The following FN1 variants were observed in gnomAD, a reference collection of about 807,000 sequenced individuals.
FN1 encodes fibronectin 1.
A neutral mutation model predicts 297.3 loss-of-function variants in FN1; 106 were observed. The observed-to-expected ratio is 0.36, with a 90% confidence interval of 0.30 to 0.42. The LOEUF is 0.42. Among genes scored for constraint, FN1 ranks in the 10% least tolerant of loss-of-function variants. The pLI is 1.00. For synonymous variants in FN1, 1,149 were observed against 1,152.6 expected (o/e 1.00, Z 0.06); for missense variants, 2,690 against 3,124.9 (o/e 0.86, Z 3.32).
intron 41 of FN1, among the ~76,000 whole-genome samples, chr2:215,368,267 A>G (rs183451986): frequency 3.3e-5 from 5 of 152,332 alleles, no homozygotes; most frequent in East Asian, 1.9e-4. Context: ...TGCTTCTAAG[A>G]TAATTGCCAT....
In FN1 at chr2:215,367,881, A is replaced by T; in HGVS notation, c.7000T>A (p.Phe2334Ile). The change falls in exon 42 of 46, where the codon TTC (phenylalanine) becomes ATC (isoleucine). Residue 2334 changes from phenylalanine to isoleucine, a missense_variant. Transcript: ENST00000354785. Reference sequence around the variant, plus strand: ...TACTCACTAGATGAATCACATCTGAAATGACCACTTCCAAAGCCTAAGCAC... The same window carrying T: ...TACTCACTAGATGAATCACATCTGATATGACCACTTCCAAAGCCTAAGCAC... ...CQCLGFGSGH[F>I]RCDSSRWCHD... 1.2e-6 allele frequency: 2 copies of T among 1,614,058 alleles called. No individual in the cohort carries two copies. The highest frequency in any genetic ancestry group is 2.2e-5 in the South Asian group (2 of 91,072).
At chr2:215,378,820 ATAAC>A (rs1272365079) in intron 34 of FN1, among the ~76,000 whole-genome samples, 8 of 152,206 alleles carry the variant, frequency 5.3e-5, no homozygotes, top group Non-Finnish European at 8.8e-5. Context: ...CAGAAAATGC[ATAAC>A]TAAGTCGATT....
chr2:215,425,197 GTCT>G lies in FN1; in HGVS notation c.930_932del (p.Asp311del). On this transcript the variant is annotated inframe_deletion, in exon 7 of 46. Coordinates refer to ENST00000354785, the MANE Select transcript of FN1 (RefSeq NM_212482.4). Reference sequence around the variant, plus strand: ...TCCCCACAGAGTAGACCACACCACTGTCTGTGACACAGTGGCCATAGGGAGGAG... The same window carrying G: ...TCCCCACAGAGTAGACCACACCACTGGTGACACAGTGGCCATAGGGAGGAG... The G allele has an allele frequency of 6.2e-7, 1 of 1,614,132 alleles. No individual in the cohort carries two copies. Among genetic ancestry groups the G allele is most frequent in the Non-Finnish European group, 8.5e-7 (1 of 1,180,004 alleles).
intron 33 of FN1, 97 bp downstream of exon 33, chr2:215,380,714 T>A: frequency 7.2e-7 from 1 of 1,381,696 alleles, no homozygotes; most frequent in East Asian, 2.3e-5. Flanking sequence ...TTTTTCACCC[T>A]TACACGGGAA....
intron 39 of FN1, among the ~76,000 whole-genome samples, chr2:215,372,735 G>A (rs1481395234): frequency 6.6e-6 from 1 of 152,154 alleles, no homozygotes; most frequent in Non-Finnish European, 1.5e-5. Context: ...CAAGTTGTAG[G>A]AAGTAGAATC....
chr2:215,397,055 C>G, intron 23 of FN1, 82 bp downstream of exon 23: 2 of 924,878 alleles, frequency 2.2e-6, no homozygotes, highest in Non-Finnish European at 3.6e-6. Context: ...TCCCTTCTTT[C>G]TCTGAAAGAA....
At chr2:215,385,844 C>T (rs1197870195) in intron 28 of FN1, among the ~76,000 whole-genome samples, 2 of 142,312 alleles carry the variant, frequency 1.4e-5, no homozygotes, top group Non-Finnish European at 3.0e-5. Context: ...GTGACACAAT[C>T]TTGGCTTACT....
At chr2:215,389,682 C>T (rs552980642) in intron 26 of FN1, among the ~76,000 whole-genome samples, 8 of 152,160 alleles carry the variant, frequency 5.3e-5, no homozygotes, top group South Asian at 4.2e-4. Flanking sequence ...CCCAGCTACT[C>T]GGGAGGCTGA....
At chr2:215,433,207 A>G in intron 3 of FN1, 117 bp downstream of exon 3, 1 of 1,308,284 alleles carries the variant, frequency 7.6e-7, no homozygotes, top group East Asian at 2.3e-5. Context: ...CCTGGTCACC[A>G]GGGGCAAACC....
At position 215,379,158 on chromosome 2, in the gene FN1, C is replaced by G. The variant is rs755785789; in HGVS notation, c.5594G>C (p.Ser1865Thr). ...PMKEINLAPD[S>T]SSVVVSGLMV... ...AAGTCCTGATACAACCACGGATGAG[C>G]TGTCAGGAGCAAGGTTGATTTCTTT... The change falls in exon 34 of 46, where the codon AGC (serine) becomes ACC (threonine). Residue 1865 changes from serine (S) to threonine (T), a missense_variant. This residue lies in a region of FN1 where 1,743 missense variants were observed against 1,945.2 expected (regional missense o/e 0.90). Coordinates refer to ENST00000354785, the MANE Select transcript of FN1 (RefSeq NM_212482.4). 6.2e-7 allele frequency: 1 copy of G among 1,614,086 alleles called. No individual in the cohort carries two copies. The highest frequency in any genetic ancestry group is 1.1e-5 in the South Asian group (1 of 91,086).
At chr2:215,405,282 C>T (rs2061627296) in intron 19 of FN1, among the ~76,000 whole-genome samples, 1 of 152,088 alleles carries the variant, frequency 6.6e-6, no homozygotes, top group Non-Finnish European at 1.5e-5. Flanking sequence ...TTTAAATTAC[C>T]TTTCAAATAG....
rs76718250 is a variant in FN1, at chr2:215,383,609, G to A, written c.4895-126C>T. 3,260 of 1,021,944 alleles carry A rather than the reference G, an allele frequency of 3.2e-3. 65 individuals carry two copies. In the African/African-American group the frequency reaches 0.044, roughly 14 times the overall value. The allele number at this position is 1,021,944 out of a possible 1,614,324, so 63.3% of individuals were successfully genotyped here. On this transcript the variant is annotated intron_variant, in intron 30 of 45. Coordinates refer to ENST00000354785, the MANE Select transcript of FN1 (RefSeq NM_212482.4). ...TTACATGAGAAAGGTATTTCTTCTC[G>A]AAAGAATACAGAGAGAGCTTTTAGA... is the stretch of plus-strand genomic sequence containing the variant.
intron 12 of FN1, among the ~76,000 whole-genome samples, chr2:215,417,294 G>A (rs6734955): frequency 0.23 from 34,866 of 152,002 alleles, 4,369 homozygotes; most frequent in African/African-American, 0.27. Context: ...TAAAATAGTT[G>A]AGATGATACC....
At chr2:215,412,186 CTT>C (rs961689546) in intron 13 of FN1, among the ~76,000 whole-genome samples, 1 of 92,376 alleles carries the variant, frequency 1.1e-5, no homozygotes, top group Non-Finnish European at 2.4e-5. Flanking sequence ...AAAAGAATGA[CTT>C]TTCTTTTTTT....
chr2:215,407,961 CACACA>C, intron 17 of FN1, 142 bp downstream of exon 17: 2 of 559,098 alleles, frequency 3.6e-6, no homozygotes, highest in Non-Finnish European at 6.3e-6. Context: ...CCGCCACACA[CACACA>C]CACACACACA....
chr2:215,394,940 A>G (rs1011312122), intron 23 of FN1, among the ~76,000 whole-genome samples: 2 of 152,026 alleles, frequency 1.3e-5, no homozygotes, highest in East Asian at 1.9e-4. Flanking sequence ...GTCTCCCTCT[A>G]TCACCCAGGC....
chr2:215,403,984 G>A lies in FN1; in HGVS notation c.3253+405C>T, dbSNP rs76812692. ...TTTTTCTTGCGTTAACTAGTGTTTG[G>A]TAAATTCATTTAATGTAATCGAATT... is the stretch of plus-strand genomic sequence containing the variant. On this transcript the variant is annotated intron_variant, in intron 20 of 45. Coordinates refer to ENST00000354785, the MANE Select transcript of FN1 (RefSeq NM_212482.4). Among the ~76,000 whole-genome samples, 1,056 of 152,262 alleles carry A rather than the reference G, an allele frequency of 6.9e-3. 12 individuals are homozygous for A. The highest frequency in any genetic ancestry group is 0.024 in the African/African-American group (988 of 41,538).
chr2:215,410,154 T>C, intron 13 of FN1, 40 bp from the exon 14 acceptor site: 1 of 1,219,622 alleles, frequency 8.2e-7, no homozygotes, highest in Non-Finnish European at 1.2e-6. Context: ...CACACACACG[T>C]GTTTACAAGG....
chr2:215,401,723 T>C (rs1306693275), intron 20 of FN1, among the ~76,000 whole-genome samples: 1 of 152,154 alleles, frequency 6.6e-6, no homozygotes, highest in Non-Finnish European at 1.5e-5. Flanking sequence ...TTCTTTGCCA[T>C]GTGGGAATTT....
Sources: allele counts gnomAD v4.1 joint callset (sites outside exome capture counted in the v4.1 genomes callset), GRCh38; gene constraint gnomAD v4.1.1; regional missense constraint gnomAD v4.1.1; transcripts MANE v1.5; gene names NCBI Gene and HGNC (gene_info 2026-07-23, HGNC 2026-07-21).